The following ZNF385D variants were observed in gnomAD, a reference collection of about 807,000 sequenced individuals.
ZNF385D encodes zinc finger protein 659.
In ZNF385D, 15 loss-of-function variants were observed where a neutral mutation model predicts 35.8. The ratio of observed to expected loss-of-function variants is 0.42; its 90% CI spans 0.28 to 0.64. The LOEUF is 0.64. Among genes scored for constraint, ZNF385D ranks in the 30% least tolerant of loss-of-function variants. ZNF385D has a pLI of 0.23. For missense variants in ZNF385D, 474 were observed against 494.6 expected (o/e 0.96, Z 0.39); for synonymous variants, 212 against 186.8 (o/e 1.13, Z -1.10).
chr3:21,798,366 CAG>C (rs2072247161), intron 3 of ZNF385D, among the ~76,000 whole-genome samples: 2 of 152,140 alleles, frequency 1.3e-5, no homozygotes, highest in Admixed American at 1.3e-4. Flanking sequence ...CATTCAAATC[CAG>C]AGGTCTGTAC....
At chr3:21,591,273 T>G (rs886897411) in intron 2 of ZNF385D, among the ~76,000 whole-genome samples, 3 of 152,182 alleles carry the variant, frequency 2.0e-5, no homozygotes, top group African/African-American at 7.2e-5. Context: ...TATAATTTTT[T>G]TTTTACAAGT....
chr3:22,235,726 A>T (rs1699142209), intron 2 of ZNF385D, among the ~76,000 whole-genome samples: 1 of 152,142 alleles, frequency 6.6e-6, no homozygotes, highest in Non-Finnish European at 1.5e-5. Context: ...GCAGTTATCC[A>T]CTTATCAAAG....
intron 3 of ZNF385D, among the ~76,000 whole-genome samples, chr3:21,911,385 G>T (rs1012265258): frequency 6.6e-6 from 1 of 151,898 alleles, no homozygotes; most frequent in Non-Finnish European, 1.5e-5. Context: ...GTGACAATAT[G>T]CCCACTGTGA....
intron 3 of ZNF385D, among the ~76,000 whole-genome samples, chr3:21,826,772 T>C (rs758570040): frequency 6.6e-6 from 1 of 151,174 alleles, no homozygotes; most frequent in Non-Finnish European, 1.5e-5. Context: ...TTCTCTACTG[T>C]TCACATAAAC....
intron 3 of ZNF385D, among the ~76,000 whole-genome samples, chr3:21,533,806 G>A (rs1442303074): frequency 6.6e-6 from 1 of 151,972 alleles, no homozygotes; most frequent in Non-Finnish European, 1.5e-5. Context: ...CTACTGTAAG[G>A]CAGAGTTAAA....
rs115099142 is a variant in ZNF385D at position 21,696,917 on chromosome 3, C to T, written c.23-31889G>A. ...AGTATTTTATTTACCTGTTTGTATC[C>T]TGTTAATATTTCTTTGTTTTAATAT... On this transcript the variant is annotated intron_variant, in intron 1 of 7. Coordinates refer to ENST00000281523, the MANE Select transcript of ZNF385D (RefSeq NM_024697.3). 3.2e-3 allele frequency among the ~76,000 whole-genome samples: 488 copies of T among 152,264 alleles called. 2 individuals carry two copies. The highest frequency in any genetic ancestry group is 0.011 in the African/African-American group (473 of 41,554).
At chr3:21,618,108 C>T (rs2064900358) in intron 2 of ZNF385D, among the ~76,000 whole-genome samples, 1 of 152,172 alleles carries the variant, frequency 6.6e-6, no homozygotes, top group Non-Finnish European at 1.5e-5. Context: ...CCTATATTAT[C>T]TTATAGCAAG....
intron 2 of ZNF385D, among the ~76,000 whole-genome samples, chr3:22,201,823 A>G: frequency 6.6e-6 from 1 of 151,722 alleles, no homozygotes; most frequent in East Asian, 1.9e-4. Flanking sequence ...ATATATATAT[A>G]AATTTAATAC....
chr3:22,317,103 C>A (rs964034279), intron 2 of ZNF385D, among the ~76,000 whole-genome samples: 4 of 151,630 alleles, frequency 2.6e-5, no homozygotes, highest in Non-Finnish European at 5.9e-5. Context: ...CATGGAGAAA[C>A]CCCTTCTCTA....
intron 3 of ZNF385D, among the ~76,000 whole-genome samples, chr3:21,756,245 A>G (rs752978860): frequency 1.3e-5 from 2 of 152,206 alleles, no homozygotes; most frequent in Non-Finnish European, 2.9e-5. Flanking sequence ...GATTCTCTAC[A>G]TGTACCAAAA....
In ZNF385D at chr3:22,280,111, C is replaced by T. The variant is rs372583914; in HGVS notation, c.106+92339G>A. ...TGAATTGTCTATTCATGTCCTTAGC[C>T]CACTTTTTGATGGGGCTGTTTATTT... On this transcript the variant is annotated intron_variant, in intron 2 of 5. Coordinates refer to the ZNF385D transcript ENST00000494108. Among the ~76,000 whole-genome samples the T allele has an allele frequency of 1.5e-4, 23 of 152,012 alleles. No individual in the cohort carries two copies. The East Asian group carries it at 2.1e-3, about 14-fold the overall frequency.
intron 3 of ZNF385D, among the ~76,000 whole-genome samples, chr3:22,069,277 G>T (rs748967441): frequency 7.4e-4 from 112 of 152,090 alleles, no homozygotes; most frequent in Non-Finnish European, 1.3e-3. Flanking sequence ...ACTGGCAAAT[G>T]GTTCTACATA....
intron 2 of ZNF385D, among the ~76,000 whole-genome samples, chr3:22,343,026 T>G (rs895931904): frequency 6.6e-6 from 1 of 152,236 alleles, no homozygotes; most frequent in African/African-American, 2.4e-5. Flanking sequence ...TTAGAAAAAT[T>G]ATCAAATATC....
chr3:22,029,770 G>C (rs778706715), intron 3 of ZNF385D, among the ~76,000 whole-genome samples: 1 of 152,104 alleles, frequency 6.6e-6, no homozygotes, highest in Non-Finnish European at 1.5e-5. Flanking sequence ...ATGAAGGGTA[G>C]TTGTATTATG....
intron 3 of ZNF385D, among the ~76,000 whole-genome samples, chr3:22,150,430 G>T (rs1024613914): frequency 5.9e-5 from 9 of 151,746 alleles, no homozygotes; most frequent in Non-Finnish European, 1.2e-4. Flanking sequence ...AGATGCTTGG[G>T]TTAACACCCA....
intron 3 of ZNF385D, among the ~76,000 whole-genome samples, chr3:21,850,036 A>T (rs1559688592): frequency 1.3e-5 from 2 of 151,992 alleles, no homozygotes; most frequent in Non-Finnish European, 2.9e-5. Context: ...GAGCCACCAC[A>T]CTCAGCCTAA....
chr3:21,580,696 A>G (rs541831450), intron 2 of ZNF385D, among the ~76,000 whole-genome samples: 1 of 152,024 alleles, frequency 6.6e-6, no homozygotes, highest in South Asian at 2.1e-4. Flanking sequence ...AAGATAATAT[A>G]TATATATGAA....
rs869252663 is a variant in ZNF385D at position 21,711,039 on chromosome 3, G to GTTTTT, written c.22+39851_22+39855dup. ...TCTTAATTTCCTTATCCCTCTAAAA[G>GTTTTT]TTTTTTTTTTTTTTTTTTTTGAGAT... On this transcript the variant is annotated intron_variant, in intron 1 of 7. Coordinates refer to ENST00000281523, the MANE Select transcript of ZNF385D (RefSeq NM_024697.3). Among the ~76,000 whole-genome samples, 48 of 83,136 alleles carry GTTTTT rather than the reference G, an allele frequency of 5.8e-4. 11 individuals are homozygous for GTTTTT. Among genetic ancestry groups the GTTTTT allele is most frequent in the Admixed American group, 1.4e-3 (8 of 5,586 alleles). The allele number at this position is 83,136 out of a possible 152,430, so 54.5% of individuals were successfully genotyped here.
rs146102609 is a variant in ZNF385D at position 22,279,138 on chromosome 3, G to C, written c.106+93312C>G. 6.1e-4 allele frequency among the ~76,000 whole-genome samples: 92 copies of C among 152,042 alleles called. 1 individual carries two copies. The highest frequency in any genetic ancestry group is 2.1e-3 in the African/African-American group (88 of 41,502). On this transcript the variant is annotated intron_variant, in intron 2 of 5. Transcript: ENST00000494108. Reference sequence around the variant, plus strand: ...TGTTTTATTTCAATAGGTTTTGGGGGAACAGGTGATGTTTGGTTACATGAA... The same window carrying C: ...TGTTTTATTTCAATAGGTTTTGGGGCAACAGGTGATGTTTGGTTACATGAA...
Sources: gnomAD v4.1 joint callset for allele counts (sites outside exome capture counted in the v4.1 genomes callset) on GRCh38, gnomAD v4.1.1 for gene constraint, MANE v1.5 for transcripts, NCBI Gene and HGNC (gene_info 2026-07-23, HGNC 2026-07-21) for gene names.